SLC44A1: variants seen among roughly 807,000 people sequenced by gnomAD.
SLC44A1 encodes the protein choline transporter-like protein 1.
SLC44A1 carries 26 observed loss-of-function variants against 79.3 expected under a neutral mutation model. That is an observed-to-expected ratio of 0.33 (90% CI 0.24 to 0.46). The LOEUF (loss-of-function observed/expected upper bound fraction) is 0.46. Among genes scored for constraint, SLC44A1 ranks in the 20% least tolerant of loss-of-function variants. The probability of loss-of-function intolerance (pLI) is 1.00; values close to 1 mark genes in which losing one functional copy is unlikely to be tolerated. For missense variants in SLC44A1, 688 were observed against 798.1 expected (o/e 0.86, Z 1.66); for synonymous variants, 263 against 286.2 (o/e 0.92, Z 0.82).
At chr9:105,363,682 C>G (rs980448235) in intron 9 of SLC44A1, among the ~76,000 whole-genome samples, 5 of 151,844 alleles carry the variant, frequency 3.3e-5, no homozygotes, top group African/African-American at 7.3e-5. Flanking sequence ...CCAGGCTGCT[C>G]TCCAACTCCT....
intron 1 of SLC44A1, among the ~76,000 whole-genome samples, chr9:105,257,453 A>T (rs989547351): frequency 3.3e-5 from 5 of 151,950 alleles, no homozygotes; most frequent in Admixed American, 1.3e-4. Flanking sequence ...CTGGCCTCAA[A>T]TTCCTGGGCT....
At chr9:105,405,058 A>G (rs1829010972) in intron 15 of SLC44A1, among the ~76,000 whole-genome samples, 1 of 151,940 alleles carries the variant, frequency 6.6e-6, no homozygotes. Context: ...GGTGGCTCAC[A>G]TCTGTAATCC....
At chr9:105,290,879 A>G (rs1830587838) in intron 1 of SLC44A1, among the ~76,000 whole-genome samples, 1 of 152,256 alleles carries the variant, frequency 6.6e-6, no homozygotes, top group African/African-American at 2.4e-5. Flanking sequence ...CTTTCCACGC[A>G]GTGTATCTTA....
Position 105,368,095 on chromosome 9 carries a change from G to A in SLC44A1, c.1494+1666G>A, listed in dbSNP as rs746579686. Among the ~76,000 whole-genome samples the A allele has an allele frequency of 3.3e-5, 5 of 152,104 alleles. No individual in the cohort carries two copies. The East Asian group carries it at 9.6e-4, about 29-fold the overall frequency. ...ACTGAAGGAAGAAAACAAGTCATAT[G>A]ATATCAAGATAGTCGATAAAAGGTT... On this transcript the variant is annotated intron_variant, in intron 12 of 15. Transcript: ENST00000374720.
chr9:105,385,292 A>C (rs1440683317), intron 14 of SLC44A1, 130 bp from the exon 15 acceptor site: 1 of 656,436 alleles, frequency 1.5e-6, no homozygotes, highest in Non-Finnish European at 2.7e-6. Flanking sequence ...ACTAAACATT[A>C]TTTATTGCTA....
At chr9:105,262,460 TTGAAA>T (rs1284680368) in intron 1 of SLC44A1, among the ~76,000 whole-genome samples, 12 of 152,254 alleles carry the variant, frequency 7.9e-5, no homozygotes, top group Non-Finnish European at 1.5e-5. Flanking sequence ...AATTTTCATG[TTGAAA>T]TGACCAGCTT....
At chr9:105,426,949 T>C (rs62575090) in intron 15 of SLC44A1, among the ~76,000 whole-genome samples, 2 of 148,452 alleles carry the variant, frequency 1.3e-5, no homozygotes, top group African/African-American at 5.2e-5. Context: ...TTTTTTTTTT[T>C]CCTCGAGACA....
At chr9:105,326,355 G>A (rs1175154644) in intron 3 of SLC44A1, among the ~76,000 whole-genome samples, 2 of 152,194 alleles carry the variant, frequency 1.3e-5, no homozygotes, top group Admixed American at 6.5e-5. Flanking sequence ...ACAGACAAGA[G>A]CTAATGCACC....
In SLC44A1 at chr9:105,268,740, C is replaced by G. The variant is rs141200130; in HGVS notation, c.36+23836C>G. On this transcript the variant is annotated intron_variant, in intron 1 of 15. Transcript: ENST00000374720. The stretch of plus-strand genomic sequence containing the variant: ...GTCTCGAACTCCAACCTCAGGTGAT[C>G]CGCCCGCCTTGGCCTCCAAAGTGCT... Among the ~76,000 whole-genome samples, 1,121 of 140,892 alleles carry G rather than the reference C, an allele frequency of 8.0e-3. 13 individuals carry two copies. The highest frequency in any genetic ancestry group is 9.2e-3 in the Non-Finnish European group (620 of 67,574). 92.4% of individuals were successfully genotyped at this position (140,892 alleles called of 152,430 possible).
At chr9:105,383,390 A>C in intron 14 of SLC44A1, 31 bp downstream of exon 14, 1 of 1,207,062 alleles carries the variant, frequency 8.3e-7, no homozygotes, top group Non-Finnish European at 1.2e-6. Context: ...TTCCTATTTT[A>C]GGGATAAAAA....
chr9:105,424,277 C>T (rs1400328085), intron 15 of SLC44A1, among the ~76,000 whole-genome samples: 1 of 152,176 alleles, frequency 6.6e-6, no homozygotes, highest in African/African-American at 2.4e-5. Flanking sequence ...CTAGAACTCC[C>T]TCCCAAGACA....
At chr9:105,320,620 G>A (rs1826362511) in intron 3 of SLC44A1, among the ~76,000 whole-genome samples, 1 of 152,082 alleles carries the variant, frequency 6.6e-6, no homozygotes, top group African/African-American at 2.4e-5. Context: ...ATGTTGCACA[G>A]TTTGGAGTGC....
chr9:105,353,023 G>T (rs1054393776), intron 5 of SLC44A1, among the ~76,000 whole-genome samples: 1 of 151,828 alleles, frequency 6.6e-6, no homozygotes, highest in Non-Finnish European at 1.5e-5. Context: ...TCTTATTTTT[G>T]AATAATGTGC....
chr9:105,389,808 T>C lies in SLC44A1; in HGVS notation c.*752T>C. The C allele has an allele frequency of 7.3e-7, 1 of 1,372,126 alleles. No individual in the cohort carries two copies. Among genetic ancestry groups the C allele is most frequent in the African/African-American group, 1.5e-5 (1 of 67,454 alleles). 85.0% of individuals were successfully genotyped at this position (1,372,126 alleles called of 1,614,324 possible). A position where few individuals can be genotyped will look rare whatever the true frequency, so the allele number is the denominator to read the frequency against. ...TTTTGTCTTTCTTTCCTTTTTGACT[T>C]TAGTAGCATCCTCCACACATTTGTG... On this transcript the variant is annotated 3_prime_UTR_variant, in exon 16 of 16. Transcript: ENST00000374720.
intron 4 of SLC44A1, among the ~76,000 whole-genome samples, chr9:105,347,002 C>A (rs1328952555): frequency 6.6e-6 from 1 of 152,006 alleles, no homozygotes; most frequent in African/African-American, 2.4e-5. Context: ...TGGTTTGGGG[C>A]AGCATTGCTA....
At chr9:105,300,420 A>T (rs1830847816) in intron 2 of SLC44A1, among the ~76,000 whole-genome samples, 1 of 152,148 alleles carries the variant, frequency 6.6e-6, no homozygotes, top group African/African-American at 2.4e-5. Flanking sequence ...GAGTTTCTTT[A>T]TGAAAATCTT....
intron 15 of SLC44A1, among the ~76,000 whole-genome samples, chr9:105,416,981 A>G (rs1829179449): frequency 6.6e-6 from 1 of 152,208 alleles, no homozygotes; most frequent in Non-Finnish European, 1.5e-5. Context: ...GTAACTTAGC[A>G]TTCTGGTAAT....
At chr9:105,330,230 C>T (rs1826708361) in intron 3 of SLC44A1, among the ~76,000 whole-genome samples, 1 of 152,158 alleles carries the variant, frequency 6.6e-6, no homozygotes, top group South Asian at 2.1e-4. Flanking sequence ...CTCCAGGGAT[C>T]CCAGAAGATT....
At chr9:105,385,995 T>C in intron 15 of SLC44A1, 2 of 985,390 alleles carry the variant, frequency 2.0e-6, no homozygotes, top group Non-Finnish European at 2.4e-6. Context: ...CTTTTTCTTC[T>C]GTTGCCTAGG....
Sources: gnomAD v4.1 joint callset for allele counts (sites outside exome capture counted in the v4.1 genomes callset) on GRCh38, gnomAD v4.1.1 for gene constraint, MANE v1.5 for transcripts, NCBI Gene and HGNC (gene_info 2026-07-23, HGNC 2026-07-21) for gene names.